The following SLC18A1 variants were observed in gnomAD, a reference collection of about 807,000 sequenced individuals.
The protein encoded by SLC18A1 is chromaffin granule amine transporter.
SLC18A1 carries 69 observed loss-of-function variants against 53.7 expected under a neutral mutation model. The observed-to-expected ratio is 1.28, with a 90% CI of 1.06 to 1.57. SLC18A1 has a LOEUF of 1.57. SLC18A1 is among the 40% of genes most tolerant of loss of function. The probability of loss-of-function intolerance (pLI) is 0.00; values close to 1 mark genes in which losing one functional copy is unlikely to be tolerated. For synonymous variants in SLC18A1, 320 were observed against 248.1 expected (o/e 1.29, Z -2.72); for missense variants, 932 against 668.1 (o/e 1.40, Z -4.35).
chr8:20,154,314 T>C (rs187264441), intron 10 of SLC18A1, among the ~76,000 whole-genome samples: 1 of 152,200 alleles, frequency 6.6e-6, no homozygotes, highest in African/African-American at 2.4e-5. Flanking sequence ...TCCACAGTTA[T>C]CCACCTGGAT....
Position 20,149,804 on chromosome 8 carries a change from A to C in SLC18A1, c.1095-77T>G, listed in dbSNP as rs535963160. ...CCTGTACCCCATCACCGCCATGCTG[A>C]CCTGTCCCACCAGCCCTAATCCCAG... On this transcript the variant is annotated intron_variant, in intron 11 of 15. Transcript: ENST00000276373. 3.4e-5 allele frequency: 47 copies of C among 1,363,194 alleles called. No individual in the cohort carries two copies. In the African/African-American group the frequency reaches 6.1e-4, roughly 18 times the overall value. The allele number at this position is 1,363,194 out of a possible 1,614,324, so 84.4% of individuals were successfully genotyped here. A position where few individuals can be genotyped will look rare whatever the true frequency, so the allele number is the denominator to read the frequency against.
intron 8 of SLC18A1, among the ~76,000 whole-genome samples, chr8:20,170,003 C>G (rs79660919): frequency 0.022 from 3,306 of 152,262 alleles, 79 homozygotes; most frequent in East Asian, 0.092. Flanking sequence ...GATGAGTGTC[C>G]CTACGCCTGG....
intron 8 of SLC18A1, among the ~76,000 whole-genome samples, chr8:20,168,654 C>G (rs531286348): frequency 6.6e-6 from 1 of 151,994 alleles, no homozygotes; most frequent in Non-Finnish European, 1.5e-5. Context: ...CTGCAACCTC[C>G]GCCTCCTAGG....
chr8:20,159,568 A>T (rs900232382), intron 10 of SLC18A1, among the ~76,000 whole-genome samples: 1 of 138,474 alleles, frequency 7.2e-6, no homozygotes. Context: ...AGCAGTGGCA[A>T]TTCCCTTTGG....
At chr8:20,175,326 G>C (rs901380565) in intron 4 of SLC18A1, 6 of 152,066 alleles carry the variant, frequency 3.9e-5, no homozygotes, top group African/African-American at 1.2e-4. Flanking sequence ...ATCCTCACAG[G>C]GTCCTGAGTC....
chr8:20,173,895 C>CTTTTTT (rs72376505), intron 5 of SLC18A1, among the ~76,000 whole-genome samples: 3 of 135,652 alleles, frequency 2.2e-5, no homozygotes, highest in African/African-American at 8.6e-5. Flanking sequence ...TAATTCCTTT[C>CTTTTTT]TTTTTTTTTT....
At chr8:20,150,593 A>C (rs1439688673) in intron 11 of SLC18A1, 73 bp downstream of exon 11, 2 of 1,294,444 alleles carry the variant, frequency 1.5e-6, no homozygotes, top group Non-Finnish European at 2.2e-6. Flanking sequence ...GCTGTTCATC[A>C]TTCCAAGATC....
At chr8:20,177,891 G>A (rs953640600) in intron 4 of SLC18A1, among the ~76,000 whole-genome samples, 2 of 152,158 alleles carry the variant, frequency 1.3e-5, no homozygotes, top group African/African-American at 4.8e-5. Context: ...ATCCTGGATA[G>A]AGTATTTGTC....
At chr8:20,172,140 A>G (rs1291782124) in intron 6 of SLC18A1, among the ~76,000 whole-genome samples, 2 of 152,192 alleles carry the variant, frequency 1.3e-5, no homozygotes, top group African/African-American at 2.4e-5. Context: ...CACAAGAGGG[A>G]GGATGCTGCC....
chr8:20,182,343 TTA>T (rs1338131805), intron 1 of SLC18A1, among the ~76,000 whole-genome samples: 1 of 152,172 alleles, frequency 6.6e-6, no homozygotes, highest in Non-Finnish European at 1.5e-5. Context: ...CTCTTAAAAA[TTA>T]TATTTTCAAA....
chr8:20,155,564 TCTCTA>T (rs1279800908), intron 10 of SLC18A1, among the ~76,000 whole-genome samples: 2 of 152,102 alleles, frequency 1.3e-5, no homozygotes, highest in African/African-American at 4.8e-5. Context: ...CAACCAGAAG[TCTCTA>T]CTCTATAGTT....
Position 20,147,692 on chromosome 8 carries a change from A to G in SLC18A1, c.1241T>C (p.Met414Thr). ...GTGGCGTAGATCCACCAGGTGCCCC[A>G]TGATGGGCATCATAGAAGAATCCAC... Reference protein sequence around the residue: ...GMVDSSMMPIMGHLVDLRHTS... With the variant: ...GMVDSSMMPITGHLVDLRHTS... Residue 414 changes from methionine (M) to threonine (T), a missense_variant, in exon 14 of 16, where the codon ATG becomes ACG. Transcript: ENST00000276373. The G allele has an allele frequency of 6.2e-7, 1 of 1,613,822 alleles. No homozygotes were observed. The highest frequency in any genetic ancestry group is 1.1e-5 in the South Asian group (1 of 90,994).
Position 20,164,917 on chromosome 8 carries a change from G to A in SLC18A1, c.967C>T (p.Leu323=), listed in dbSNP as rs375980427. ...NMGVAILEPT[L]PIWMMQTMCS... ...ATGGTCTGCATCATCCAGATGGGCA[G>A]TGTGGGCTCCAGGATGGCCACCCCC... Residue 323 remains leucine, a synonymous_variant, in exon 10 of 16, where the codon CTG becomes TTG. Transcript: ENST00000276373. 1.2e-6 allele frequency: 2 copies of A among 1,613,826 alleles called. No individual in the cohort carries two copies. Among genetic ancestry groups the A allele is most frequent in the African/African-American group, 2.7e-5 (2 of 74,922 alleles).
At chr8:20,180,108 T>TTGTGTGTGTGTGTGTGTGTGTG (rs112531759) in intron 2 of SLC18A1, among the ~76,000 whole-genome samples, 5 of 146,188 alleles carry the variant, frequency 3.4e-5, no homozygotes, top group African/African-American at 1.0e-4. Context: ...AAGATTATAA[T>TTGTGTGTGTGTGTGTGTGTGTG]TGTGTGTGTG....
chr8:20,169,931 T>C (rs948369033), intron 8 of SLC18A1, among the ~76,000 whole-genome samples: 1 of 152,198 alleles, frequency 6.6e-6, no homozygotes, highest in Non-Finnish European at 1.5e-5. Flanking sequence ...CAAGCTGGAT[T>C]TACTTGCTGA....
intron 6 of SLC18A1, among the ~76,000 whole-genome samples, chr8:20,172,790 G>T (rs555125285): frequency 6.6e-6 from 1 of 152,300 alleles, no homozygotes; most frequent in Admixed American, 6.5e-5. Flanking sequence ...CGAAGCAGTG[G>T]CCTCTAAATC....
At position 20,176,074 on chromosome 8, in the gene SLC18A1, T is replaced by C. The variant is rs58972911; in HGVS notation, c.548-1630A>G. Among the ~76,000 whole-genome samples, 659 of 152,292 alleles carry C rather than the reference T, an allele frequency of 4.3e-3. 5 individuals are homozygous for C. The highest frequency in any genetic ancestry group is 0.015 in the African/African-American group (615 of 41,566). On this transcript the variant is annotated intron_variant, in intron 4 of 15. Coordinates refer to ENST00000276373, the MANE Select transcript of SLC18A1 (RefSeq NM_003053.4). ...CTCACTACAGTGTGGACATGGGTTG[T>C]TTGTCCCCACCAAATCTCATGTTGA...
At chr8:20,146,553 G>GA (rs1563715153) in intron 15 of SLC18A1, among the ~76,000 whole-genome samples, 1 of 152,122 alleles carries the variant, frequency 6.6e-6, no homozygotes, top group African/African-American at 2.4e-5. Flanking sequence ...GCAGTAAGAG[G>GA]AAAGTGCTTT....
At chr8:20,153,828 A>G (rs1009518867) in intron 10 of SLC18A1, among the ~76,000 whole-genome samples, 1 of 152,206 alleles carries the variant, frequency 6.6e-6, no homozygotes, top group Non-Finnish European at 1.5e-5. Context: ...TTTGGAATTG[A>G]GATTTCAGAG....
Sources: gnomAD v4.1 joint callset for allele counts (sites outside exome capture counted in the v4.1 genomes callset) on GRCh38, gnomAD v4.1.1 for gene constraint, MANE v1.5 for transcripts, NCBI Gene and HGNC (gene_info 2026-07-23, HGNC 2026-07-21) for gene names.